Variants in TMCC1 observed in about 807,000 individuals in gnomAD.
TMCC1 encodes transmembrane and coiled-coil domains protein 1.
Under a neutral mutation model 52.4 loss-of-function variants are expected in TMCC1, and 15 were observed. The ratio of observed to expected loss-of-function variants is 0.29; its 90% CI spans 0.19 to 0.44. The LOEUF is 0.44. Among genes scored for constraint, TMCC1 ranks in the 20% least tolerant of loss-of-function variants. The pLI, the probability that TMCC1 is intolerant of heterozygous loss-of-function variation, is 1.00. For synonymous variants in TMCC1, 279 were observed against 301.9 expected, an observed-to-expected ratio of 0.92 and a Z score of 0.79; for missense variants, 503 against 806.0, an observed-to-expected ratio of 0.62 and a Z score of 4.55.
chr3:129,867,603 G>A (rs1365631198), intron 2 of TMCC1, among the ~76,000 whole-genome samples: 1 of 152,156 alleles, frequency 6.6e-6, no homozygotes, highest in African/African-American at 2.4e-5. Flanking sequence ...AACCTGGTGT[G>A]GGTAGAAAAT....
At chr3:129,770,202 G>T (rs530124657) in intron 4 of TMCC1, among the ~76,000 whole-genome samples, 1 of 152,058 alleles carries the variant, frequency 6.6e-6, no homozygotes, top group Non-Finnish European at 1.5e-5. Flanking sequence ...CTAACTATAC[G>T]TATTTATTGA....
intron 4 of TMCC1, among the ~76,000 whole-genome samples, chr3:129,685,787 G>A (rs1267967953): frequency 6.6e-6 from 1 of 152,142 alleles, no homozygotes; most frequent in Non-Finnish European, 1.5e-5. Context: ...AAATCTACAT[G>A]TCCAAAACCA....
At chr3:129,679,131 T>C (rs570179850) in intron 4 of TMCC1, among the ~76,000 whole-genome samples, 42 of 152,276 alleles carry the variant, frequency 2.8e-4, no homozygotes, top group Middle Eastern at 3.4e-3. Flanking sequence ...TGGCCTCCCC[T>C]GTTGTTCCTG....
intron 4 of TMCC1, among the ~76,000 whole-genome samples, chr3:129,709,307 T>TA (rs1269748251): frequency 1.3e-4 from 20 of 150,218 alleles, no homozygotes; most frequent in African/African-American, 3.2e-4. Flanking sequence ...TACAAAAACT[T>TA]AAAGAAAAAA....
chr3:129,695,096 CAAAAAAAA>C (rs11291309), intron 4 of TMCC1, among the ~76,000 whole-genome samples: 28 of 35,238 alleles, frequency 7.9e-4, no homozygotes, highest in Admixed American at 7.3e-3. Context: ...GACTCTGTCT[CAAAAAAAA>C]AAAAAAAAAA....
chr3:129,843,578 A>G (rs1183968867), intron 2 of TMCC1, among the ~76,000 whole-genome samples: 1 of 152,134 alleles, frequency 6.6e-6, no homozygotes, highest in Non-Finnish European at 1.5e-5. Flanking sequence ...GTTAAAAAAG[A>G]ATAATAAAAG....
At chr3:129,729,965 T>C (rs750372256) in intron 4 of TMCC1, among the ~76,000 whole-genome samples, 7 of 152,124 alleles carry the variant, frequency 4.6e-5, no homozygotes, top group Non-Finnish European at 1.0e-4. Flanking sequence ...ACCTTGTCTC[T>C]GCTTTTAAAA....
intron 4 of TMCC1, among the ~76,000 whole-genome samples, chr3:129,682,605 A>T (rs899118385): frequency 6.6e-6 from 1 of 152,162 alleles, no homozygotes; most frequent in Non-Finnish European, 1.5e-5. Context: ...TCTGCTACAT[A>T]GATGACTCTC....
intron 4 of TMCC1, among the ~76,000 whole-genome samples, chr3:129,808,482 AAAT>A (rs556320460): frequency 4.6e-5 from 7 of 150,924 alleles, no homozygotes; most frequent in Non-Finnish European, 7.4e-5. Flanking sequence ...ACTCCATCTC[AAAT>A]AATAATAATA....
chr3:129,689,145 C>T (rs764086113), intron 4 of TMCC1, among the ~76,000 whole-genome samples: 1 of 152,054 alleles, frequency 6.6e-6, no homozygotes, highest in South Asian at 2.1e-4. Context: ...AAACTGAGCA[C>T]GACACTCTAA....
intron 4 of TMCC1, among the ~76,000 whole-genome samples, chr3:129,813,638 T>C (rs2057945285): frequency 3.3e-5 from 5 of 152,132 alleles, no homozygotes. Flanking sequence ...CACCAGGGCC[T>C]ACTTGAGGGT....
In TMCC1 at chr3:129,717,567, T is replaced by C. The variant is rs138665756; in HGVS notation, c.577-46303A>G. Among the ~76,000 whole-genome samples, 14 of 152,320 alleles carry C rather than the reference T, an allele frequency of 9.2e-5. No individual in the cohort carries two copies. In the East Asian group the frequency reaches 1.5e-3, roughly 17 times the overall value. ...GACACCTGAAACTGAACTCCAGCAC[T>C]TTCCCACAAAACCTGCCCTCCAGCA... On this transcript the variant is annotated intron_variant, in intron 4 of 6. Transcript: ENST00000393238.
At chr3:129,669,647 A>T (rs1010488235) in intron 5 of TMCC1, among the ~76,000 whole-genome samples, 4 of 152,120 alleles carry the variant, frequency 2.6e-5, no homozygotes, top group Admixed American at 1.3e-4. Flanking sequence ...CGAGAATATT[A>T]TTTCTCTCTG....
chr3:129,854,858 C>G (rs2060081547), intron 2 of TMCC1, among the ~76,000 whole-genome samples: 1 of 152,222 alleles, frequency 6.6e-6, no homozygotes, highest in Non-Finnish European at 1.5e-5. Flanking sequence ...TTTGACATTT[C>G]TGTCTTCTCC....
At chr3:129,685,393 A>C (rs964492626) in intron 4 of TMCC1, among the ~76,000 whole-genome samples, 1 of 151,772 alleles carries the variant, frequency 6.6e-6, no homozygotes, top group African/African-American at 2.4e-5. Context: ...AGAAACTTAA[A>C]AATTAAATTT....
chr3:129,849,023 A>G (rs1429359269), intron 2 of TMCC1, among the ~76,000 whole-genome samples: 1 of 152,242 alleles, frequency 6.6e-6, no homozygotes, highest in African/African-American at 2.4e-5. Context: ...AAAACACTTA[A>G]TATACAGCCT....
intron 4 of TMCC1, among the ~76,000 whole-genome samples, chr3:129,683,320 TGC>T (rs2089159261): frequency 6.6e-6 from 1 of 152,228 alleles, no homozygotes; most frequent in Non-Finnish European, 1.5e-5. Flanking sequence ...TTTTCTAACT[TGC>T]TTTCCCTAGT....
At chr3:129,738,273 CAAA>C (rs575044593) in intron 4 of TMCC1, among the ~76,000 whole-genome samples, 3 of 118,628 alleles carry the variant, frequency 2.5e-5, no homozygotes, top group Non-Finnish European at 4.9e-5. Flanking sequence ...TCCGCCTAAA[CAAA>C]AAAAAAAAAA....
At chr3:129,889,537 G>A (rs779345390) in intron 1 of TMCC1, among the ~76,000 whole-genome samples, 1 of 152,184 alleles carries the variant, frequency 6.6e-6, no homozygotes, top group Non-Finnish European at 1.5e-5. Flanking sequence ...GATGTAAGAC[G>A]TTAATAATAT....
Sources: allele counts gnomAD v4.1 joint callset (sites outside exome capture counted in the v4.1 genomes callset), GRCh38; gene constraint gnomAD v4.1.1; transcripts MANE v1.5; gene names NCBI Gene and HGNC (gene_info 2026-07-23, HGNC 2026-07-21).